The following TAFA1 variants were observed in gnomAD, a reference collection of about 807,000 sequenced individuals.
TAFA1 encodes chemokine-like protein TAFA-1.
Under a neutral mutation model 18.5 loss-of-function variants are expected in TAFA1, and 4 were observed. That is an observed-to-expected ratio of 0.22 (90% confidence interval 0.11 to 0.49). TAFA1 has a LOEUF of 0.49. Among genes scored for constraint, TAFA1 ranks in the 20% least tolerant of loss-of-function variants. The probability of loss-of-function intolerance (pLI) is 0.98; values close to 1 mark genes in which losing one functional copy is unlikely to be tolerated. For missense variants in TAFA1, 147 were observed against 169.0 expected, an observed-to-expected ratio of 0.87 and a Z score of 0.72; for synonymous variants, 56 against 55.2, an observed-to-expected ratio of 1.01 and a Z score of -0.06.
intron 2 of TAFA1, among the ~76,000 whole-genome samples, chr3:68,125,577 T>C (rs1337255062): frequency 6.6e-6 from 1 of 152,182 alleles, no homozygotes; most frequent in African/African-American, 2.4e-5. Flanking sequence ...CTTTGTCTTA[T>C]TAAGCTCACG....
At chr3:68,491,546 G>A (rs1162404868) in intron 3 of TAFA1, among the ~76,000 whole-genome samples, 1 of 113,512 alleles carries the variant, frequency 8.8e-6, no homozygotes, top group East Asian at 3.3e-4. Flanking sequence ...GTTGTGGGGT[G>A]GGGGGAGGGG....
chr3:68,376,897 G>A (rs1008136462), intron 2 of TAFA1, among the ~76,000 whole-genome samples: 2 of 152,102 alleles, frequency 1.3e-5, no homozygotes, highest in Non-Finnish European at 2.9e-5. Flanking sequence ...ATGATAGTGA[G>A]TGAGTTCTCA....
At chr3:68,364,432 T>A (rs1358018645) in intron 2 of TAFA1, among the ~76,000 whole-genome samples, 1 of 151,772 alleles carries the variant, frequency 6.6e-6, no homozygotes, top group East Asian at 1.9e-4. Context: ...TCTCCAAAAT[T>A]CCAAAAAAGA....
intron 3 of TAFA1, among the ~76,000 whole-genome samples, chr3:68,424,703 G>A (rs1302606905): frequency 6.6e-6 from 1 of 152,016 alleles, no homozygotes; most frequent in African/African-American, 2.4e-5. Context: ...AGGATAACAT[G>A]AGATATATGT....
At chr3:68,258,548 A>G (rs1489541620) in intron 2 of TAFA1, among the ~76,000 whole-genome samples, 2 of 152,188 alleles carry the variant, frequency 1.3e-5, no homozygotes, top group African/African-American at 4.8e-5. Context: ...AAGTCGTTCT[A>G]TTTAACTGAG....
intron 2 of TAFA1, among the ~76,000 whole-genome samples, chr3:68,207,385 A>G (rs1464420307): frequency 6.6e-6 from 1 of 151,980 alleles, no homozygotes; most frequent in Non-Finnish European, 1.5e-5. Context: ...TAAAAGTGAA[A>G]AATATGACCA....
At chr3:68,055,285 C>T (rs2064519667) in intron 2 of TAFA1, among the ~76,000 whole-genome samples, 1 of 152,196 alleles carries the variant, frequency 6.6e-6, no homozygotes, top group Non-Finnish European at 1.5e-5. Context: ...TCGGTAGATA[C>T]TCATGTGTGT....
intron 2 of TAFA1, among the ~76,000 whole-genome samples, chr3:68,129,610 G>A (rs1170409740): frequency 1.3e-5 from 2 of 152,056 alleles, no homozygotes; most frequent in Admixed American, 6.5e-5. Context: ...CATGATAATT[G>A]TTCTTCAAAG....
rs2073134229 is a variant in TAFA1, at chr3:68,528,172, T to C, written c.260-10584T>C. On this transcript the variant is annotated intron_variant, in intron 3 of 4. Coordinates refer to ENST00000478136, the MANE Select transcript of TAFA1 (RefSeq NM_213609.4). The stretch of plus-strand genomic sequence containing the variant: ...GGATAATAAACACATGGATAAATAA[T>C]AGTGATAACTGCCACATGCTGAGTA... Among the ~76,000 whole-genome samples, 6 of 152,184 alleles carry C rather than the reference T, an allele frequency of 3.9e-5. No individual in the cohort carries two copies. In the South Asian group the frequency reaches 1.2e-3, roughly 31 times the overall value.
intron 3 of TAFA1, among the ~76,000 whole-genome samples, chr3:68,504,772 G>C (rs1307250632): frequency 6.6e-6 from 1 of 152,016 alleles, no homozygotes; most frequent in African/African-American, 2.4e-5. Context: ...TCAATGTTCA[G>C]TAAAAGTAAA....
At chr3:68,507,893 AG>A (rs1420638744) in intron 3 of TAFA1, among the ~76,000 whole-genome samples, 2 of 152,174 alleles carry the variant, frequency 1.3e-5, no homozygotes, top group Non-Finnish European at 2.9e-5. Flanking sequence ...GTTATTACAA[AG>A]TAGTATTTAT....
At chr3:68,374,006 G>A (rs972860075) in intron 2 of TAFA1, among the ~76,000 whole-genome samples, 2 of 152,132 alleles carry the variant, frequency 1.3e-5, no homozygotes, top group African/African-American at 4.8e-5. Flanking sequence ...TTATTATAAG[G>A]AAATACAATG....
At chr3:68,134,438 C>T (rs999521470) in intron 2 of TAFA1, among the ~76,000 whole-genome samples, 1 of 151,970 alleles carries the variant, frequency 6.6e-6, no homozygotes, top group African/African-American at 2.4e-5. Flanking sequence ...TTTAAAGATC[C>T]GTATAGCTCC....
chr3:68,057,848 C>T (rs905780524), intron 2 of TAFA1, among the ~76,000 whole-genome samples: 4 of 152,078 alleles, frequency 2.6e-5, no homozygotes, highest in East Asian at 1.9e-4. Context: ...TGGTCATGAA[C>T]CAAGTGATGT....
chr3:68,395,188 A>G (rs928084102), intron 2 of TAFA1, among the ~76,000 whole-genome samples: 1 of 151,702 alleles, frequency 6.6e-6, no homozygotes, highest in Non-Finnish European at 1.5e-5. Flanking sequence ...CAAACATATG[A>G]AAAAAAAACT....
intron 3 of TAFA1, among the ~76,000 whole-genome samples, chr3:68,528,439 C>T (rs2073138937): frequency 6.6e-6 from 1 of 152,168 alleles, no homozygotes; most frequent in South Asian, 2.1e-4. Flanking sequence ...TAAATATGTG[C>T]TCATAGAAAA....
intron 2 of TAFA1, among the ~76,000 whole-genome samples, chr3:68,381,203 T>C (rs1361646137): frequency 2.7e-5 from 4 of 150,706 alleles, no homozygotes; most frequent in African/African-American, 7.3e-5. Context: ...TCAGGTAGCA[T>C]GATGCCTCCA....
At chr3:68,257,708 T>A (rs1033440271) in intron 2 of TAFA1, among the ~76,000 whole-genome samples, 2 of 152,152 alleles carry the variant, frequency 1.3e-5, no homozygotes, top group African/African-American at 4.8e-5. Context: ...GTGGCCAACC[T>A]TCCCCTAGAG....
intron 3 of TAFA1, among the ~76,000 whole-genome samples, chr3:68,502,676 T>C (rs540293697): frequency 6.6e-6 from 1 of 152,264 alleles, no homozygotes; most frequent in South Asian, 2.1e-4. Context: ...CCATGTACTT[T>C]TGATCTGCCA....
Sources: gnomAD v4.1 joint callset for allele counts (sites outside exome capture counted in the v4.1 genomes callset) on GRCh38, gnomAD v4.1.1 for gene constraint, MANE v1.5 for transcripts, NCBI Gene and HGNC (gene_info 2026-07-23, HGNC 2026-07-21) for gene names.